Variants in CCDC178 observed in about 807,000 individuals in gnomAD.
The protein encoded by CCDC178 is coiled-coil domain-containing protein 178.
Under a neutral mutation model 117.4 loss-of-function variants are expected in CCDC178, and 126 were observed. The ratio of observed to expected loss-of-function variants is 1.07; its 90% CI spans 0.93 to 1.24. CCDC178 has a LOEUF of 1.24. CCDC178 is among the 50% of genes most tolerant of loss of function. The pLI, the probability that CCDC178 is intolerant of heterozygous loss-of-function variation, is 0.00. For missense variants in CCDC178, 1,030 were observed against 986.9 expected (o/e 1.04, Z -0.59); for synonymous variants, 283 against 313.4 (o/e 0.90, Z 1.02).
intron 22 of CCDC178, among the ~76,000 whole-genome samples, chr18:32,964,012 T>C (rs2054760184): frequency 6.6e-6 from 1 of 152,088 alleles, no homozygotes; most frequent in Non-Finnish European, 1.5e-5. Flanking sequence ...TATGGTAATT[T>C]ACATTTTACC....
Position 32,949,007 on chromosome 18 carries a change from T to G in CCDC178, c.2524-10916A>C, listed in dbSNP as rs143526330. 2.5e-3 allele frequency among the ~76,000 whole-genome samples: 382 copies of G among 152,212 alleles called. 2 individuals carry two copies. Among genetic ancestry groups the G allele is most frequent in the African/African-American group, 8.8e-3 (367 of 41,570 alleles). Reference sequence around the variant, plus strand: ...TCGTTTTGCCCTATTTTGAAAGATATTTTACTGTGTATAAAATGCTAGAAT... The same window carrying G: ...TCGTTTTGCCCTATTTTGAAAGATAGTTTACTGTGTATAAAATGCTAGAAT... On this transcript the variant is annotated intron_variant, in intron 22 of 22. Coordinates refer to ENST00000383096, the MANE Select transcript of CCDC178 (RefSeq NM_001105528.4).
chr18:32,992,207 A>G (rs2055409213), intron 21 of CCDC178, among the ~76,000 whole-genome samples: 1 of 152,150 alleles, frequency 6.6e-6, no homozygotes, highest in Non-Finnish European at 1.5e-5. Flanking sequence ...GACCTAGTCC[A>G]TTCTTTGTTC....
intron 2 of CCDC178, among the ~76,000 whole-genome samples, chr18:33,430,094 A>G (rs2064188066): frequency 2.0e-5 from 3 of 152,170 alleles, no homozygotes; most frequent in Admixed American, 2.0e-4. Context: ...CTGTATCTAC[A>G]AAGAGTTATC....
intron 12 of CCDC178, among the ~76,000 whole-genome samples, chr18:33,289,964 AG>A (rs886209143): frequency 6.6e-6 from 1 of 152,148 alleles, no homozygotes; most frequent in African/African-American, 2.4e-5. Context: ...TGCAAATAAA[AG>A]CATAATAAAA....
intron 22 of CCDC178, among the ~76,000 whole-genome samples, chr18:32,960,748 C>T (rs2054688976): frequency 6.6e-6 from 1 of 152,052 alleles, no homozygotes. Context: ...GCCTGATGCC[C>T]CTTGGATTGT....
At chr18:33,328,250 G>A (rs543901712) in intron 10 of CCDC178, 114 of 227,082 alleles carry the variant, frequency 5.0e-4, no homozygotes, top group Non-Finnish European at 8.5e-4. Context: ...CTACAGGCCC[G>A]TGCCACCACA....
intron 7 of CCDC178, among the ~76,000 whole-genome samples, chr18:33,350,815 ATTCTAGGTTTC>A (rs2062965926): frequency 6.6e-6 from 1 of 151,598 alleles, no homozygotes; most frequent in South Asian, 2.1e-4. Flanking sequence ...GTGATAGGTA[ATTCTAGGTTTC>A]ACTTTTTGAG....
intron 22 of CCDC178, among the ~76,000 whole-genome samples, chr18:32,950,240 T>G (rs560882540): frequency 1.2e-4 from 19 of 152,250 alleles, no homozygotes. Context: ...CTAGCTGCCT[T>G]ATTCTCCTTG....
At chr18:33,262,012 T>G (rs1216207451) in intron 14 of CCDC178, among the ~76,000 whole-genome samples, 1 of 152,152 alleles carries the variant, frequency 6.6e-6, no homozygotes, top group African/African-American at 2.4e-5. Context: ...CATTCATGAT[T>G]TCATGAAAAA....
chr18:33,378,734 A>G lies in CCDC178; in HGVS notation c.209-8545T>C, dbSNP rs139728415. The stretch of plus-strand genomic sequence containing the variant: ...TTTAATTCAACTTATGTGGTGAATT[A>G]CTTTATTGATTTGTATATGTTGAAC... On this transcript the variant is annotated intron_variant, in intron 5 of 22. Transcript: ENST00000383096. Among the ~76,000 whole-genome samples, 111 of 152,232 alleles carry G rather than the reference A, an allele frequency of 7.3e-4. 1 individual carries two copies. The highest frequency in any genetic ancestry group is 2.6e-3 in the African/African-American group (106 of 41,564).
intron 20 of CCDC178, among the ~76,000 whole-genome samples, chr18:33,133,051 G>A (rs1048380553): frequency 6.6e-6 from 1 of 151,718 alleles, no homozygotes; most frequent in Non-Finnish European, 1.5e-5. Context: ...TTTGGAGCAA[G>A]TGGAATTTAT....
intron 20 of CCDC178, among the ~76,000 whole-genome samples, chr18:33,171,492 A>C (rs114626566): frequency 6.3e-4 from 96 of 152,370 alleles, no homozygotes; most frequent in African/African-American, 2.2e-3. Context: ...GATCAGAAAT[A>C]GCTTTCTGCT....
At chr18:33,257,193 T>C (rs2059691119) in intron 14 of CCDC178, among the ~76,000 whole-genome samples, 1 of 152,064 alleles carries the variant, frequency 6.6e-6, no homozygotes, top group Admixed American at 6.6e-5. Context: ...TATGATAATT[T>C]CTTGGTTAGG....
chr18:33,424,660 G>GACACAGGGGAGACACAGGGGA (rs1293444647), intron 2 of CCDC178, among the ~76,000 whole-genome samples: 3 of 152,166 alleles, frequency 2.0e-5, no homozygotes, highest in Non-Finnish European at 4.4e-5. Context: ...GCCACGGCAC[G>GACACAGGGGAGACACAGGGGA]GCCCAGAGGG....
intron 3 of CCDC178, among the ~76,000 whole-genome samples, chr18:33,406,350 C>A (rs901448507): frequency 2.6e-5 from 4 of 151,926 alleles, no homozygotes; most frequent in Non-Finnish European, 5.9e-5. Flanking sequence ...GAAAATACAG[C>A]AATTGTCATG....
rs918428283 is a variant in CCDC178 at position 33,264,484 on chromosome 18, C to T, written c.1409+2432G>A. 8.6e-5 allele frequency among the ~76,000 whole-genome samples: 13 copies of T among 151,938 alleles called. 1 individual carries two copies. Among genetic ancestry groups the T allele is most frequent in the South Asian group, 6.2e-4 (3 of 4,818 alleles). On this transcript the variant is annotated intron_variant, in intron 14 of 22. Transcript: ENST00000383096. ...ATTCTCTGTTCAGCACCATGTAATC[C>T]GCTGTTAAAAATTATCCATTTAATT...
intron 21 of CCDC178, among the ~76,000 whole-genome samples, chr18:32,979,631 A>G (rs969206033): frequency 6.6e-6 from 1 of 152,212 alleles, no homozygotes; most frequent in South Asian, 2.1e-4. Context: ...CTGGAGGTAT[A>G]ATGTGGTCAT....
intron 9 of CCDC178, among the ~76,000 whole-genome samples, chr18:33,334,608 C>T (rs10853424): frequency 1 from 151,663 of 152,130 alleles, 75,600 homozygotes; most frequent in East Asian, 1. Flanking sequence ...ATGTCTTTAC[C>T]TGGGATTTTC....
intron 21 of CCDC178, among the ~76,000 whole-genome samples, chr18:33,088,994 C>G (rs980121620): frequency 1.3e-5 from 2 of 152,102 alleles, no homozygotes; most frequent in African/African-American, 4.8e-5. Flanking sequence ...TCTAAAGGCA[C>G]TTCTAGTTAG....
Sources: allele counts gnomAD v4.1 joint callset (sites outside exome capture counted in the v4.1 genomes callset), GRCh38; gene constraint gnomAD v4.1.1; transcripts MANE v1.5; gene names NCBI Gene and HGNC (gene_info 2026-07-23, HGNC 2026-07-21).